TENM3: variants seen among roughly 807,000 people sequenced by gnomAD.
TENM3 encodes teneurin-3.
TENM3 carries 63 observed loss-of-function variants against 255.1 expected under a neutral mutation model. That is an observed-to-expected ratio of 0.25 (90% confidence interval 0.20 to 0.30). The LOEUF is 0.30. Among genes scored for constraint, TENM3 ranks in the 10% least tolerant of loss-of-function variants. The probability of loss-of-function intolerance (pLI) is 1.00; values close to 1 mark genes in which losing one functional copy is unlikely to be tolerated. For synonymous variants in TENM3, 1,306 were observed against 1,322.3 expected (o/e 0.99, Z 0.27); for missense variants, 2,929 against 3,461.1 (o/e 0.85, Z 3.86).
chr4:181,741,853 A>G, the TENM3 span, among the ~76,000 whole-genome samples: 7 of 152,296 alleles, frequency 4.6e-5, no homozygotes, highest in Non-Finnish European at 8.8e-5. Flanking sequence ...GCTACATTAC[A>G]TCACAACCGT....
At chr4:181,616,314 TACACACAC>T in the TENM3 span, among the ~76,000 whole-genome samples, 9,658 of 103,604 alleles carry the variant, frequency 0.093, 453 homozygotes, top group East Asian at 0.19. Flanking sequence ...ACCCATAGAA[TACACACAC>T]ACACACACAC....
intron 1 of TENM3, chr4:182,144,838 C>G (rs1397831456): frequency 6.6e-6 from 1 of 151,328 alleles, no homozygotes; most frequent in Non-Finnish European, 1.5e-5. Flanking sequence ...CTGGCGGGCG[C>G]GAGCTGGGAC....
intron 1 of TENM3, among the ~76,000 whole-genome samples, chr4:182,294,134 T>TA (rs554343604): frequency 1.2e-3 from 184 of 148,106 alleles, no homozygotes; most frequent in African/African-American, 3.3e-3. Context: ...TTGGCTGAGT[T>TA]AAAAAAAAAA....
At chr4:181,810,178 C>A in the TENM3 span, among the ~76,000 whole-genome samples, 1 of 152,148 alleles carries the variant, frequency 6.6e-6, no homozygotes, top group African/African-American at 2.4e-5. Context: ...AAAAGCAGCA[C>A]TCTCTAAAGC....
chr4:182,516,667 G>A (rs192771019), intron 3 of TENM3, among the ~76,000 whole-genome samples: 169 of 152,262 alleles, frequency 1.1e-3, no homozygotes, highest in Admixed American at 1.8e-3. Context: ...GAGGCGAGTG[G>A]ATCACTTTAG....
intron 1 of TENM3, among the ~76,000 whole-genome samples, chr4:182,191,000 G>A (rs1753483691): frequency 6.6e-6 from 1 of 152,052 alleles, no homozygotes; most frequent in African/African-American, 2.4e-5. Flanking sequence ...AGATATCCTG[G>A]TTAACCATTT....
At position 182,753,574 on chromosome 4, in the gene TENM3, A is replaced by G; in HGVS notation, c.3987A>G (p.Leu1329=). ...GSNDLTSARP[L]TCDTSMHISQ... ...ACGATTTGACTTCAGCCAGACCTTT[A>G]ACTTGTGACACCAGCATGCACATCA... The change falls in exon 21 of 28, where the codon TTA becomes TTG. Residue 1329 remains leucine, a synonymous_variant. Transcript: ENST00000511685. The G allele has an allele frequency of 6.2e-7, 1 of 1,613,950 alleles. No homozygotes were observed. Among genetic ancestry groups the G allele is most frequent in the Non-Finnish European group, 8.5e-7 (1 of 1,179,876 alleles).
intron 1 of TENM3, among the ~76,000 whole-genome samples, chr4:182,163,254 A>G (rs1751477794): frequency 6.6e-6 from 1 of 151,990 alleles, no homozygotes; most frequent in East Asian, 1.9e-4. Flanking sequence ...CGTCTCTCCA[A>G]TCCATTTTTC....
chr4:182,442,444 A>G (rs1772559043), intron 3 of TENM3, among the ~76,000 whole-genome samples: 1 of 152,214 alleles, frequency 6.6e-6, no homozygotes, highest in Admixed American at 6.5e-5. Flanking sequence ...TATTGCCACT[A>G]TAGACAACTA....
At chr4:182,029,900 A>G in the TENM3 span, among the ~76,000 whole-genome samples, 2 of 143,762 alleles carry the variant, frequency 1.4e-5, no homozygotes, top group Admixed American at 6.7e-5. Context: ...AACATTCTTT[A>G]TATTGAATAA....
chr4:181,697,376 T>G, the TENM3 span, among the ~76,000 whole-genome samples: 4 of 142,786 alleles, frequency 2.8e-5, no homozygotes, highest in African/African-American at 4.9e-5. Context: ...TCCTGGTGGG[T>G]TTTTTTGTGT....
chr4:181,826,585 C>T, the TENM3 span, among the ~76,000 whole-genome samples: 364 of 152,274 alleles, frequency 2.4e-3, no homozygotes, highest in African/African-American at 8.3e-3. Flanking sequence ...AGCAAAGTGG[C>T]TATTAGGATT....
intron 3 of TENM3, among the ~76,000 whole-genome samples, chr4:182,553,905 T>C (rs1742327339): frequency 6.6e-6 from 1 of 152,186 alleles, no homozygotes; most frequent in African/African-American, 2.4e-5. Context: ...CAATCTTTTC[T>C]CTCTGCCAAA....
chr4:182,535,302 T>C (rs1476555242), intron 3 of TENM3, among the ~76,000 whole-genome samples: 1 of 152,224 alleles, frequency 6.6e-6, no homozygotes, highest in Non-Finnish European at 1.5e-5. Context: ...TTTTGATACT[T>C]GTTCTGAAAT....
intron 1 of TENM3, among the ~76,000 whole-genome samples, chr4:182,320,002 A>G (rs1159724946): frequency 2.0e-5 from 3 of 151,988 alleles, no homozygotes; most frequent in Non-Finnish European, 4.4e-5. Context: ...AATCCCAGCT[A>G]TTTGGGAGGC....
At chr4:181,532,967 T>C in the TENM3 span, among the ~76,000 whole-genome samples, 1 of 152,234 alleles carries the variant, frequency 6.6e-6, no homozygotes, top group Non-Finnish European at 1.5e-5. Context: ...TGAAATGTTT[T>C]CAAAATTCTC....
At chr4:182,669,969 T>C (rs145730554) in intron 6 of TENM3, among the ~76,000 whole-genome samples, 29 of 152,284 alleles carry the variant, frequency 1.9e-4, no homozygotes, top group African/African-American at 6.3e-4. Flanking sequence ...CCCTGAATCT[T>C]CTCAGTAAAA....
chr4:182,722,628 G>C (rs1396797430), intron 13 of TENM3, among the ~76,000 whole-genome samples: 1 of 152,178 alleles, frequency 6.6e-6, no homozygotes, highest in South Asian at 2.1e-4. Flanking sequence ...TTAAGGAGTT[G>C]TGACTTTACT....
At chr4:181,900,345 T>C in the TENM3 span, among the ~76,000 whole-genome samples, 1 of 152,188 alleles carries the variant, frequency 6.6e-6, no homozygotes, top group Admixed American at 6.6e-5. Flanking sequence ...ATTCAAAAGT[T>C]CACAAAAACT....
Sources: allele counts gnomAD v4.1 joint callset (sites outside exome capture counted in the v4.1 genomes callset), GRCh38; gene constraint gnomAD v4.1.1; transcripts MANE v1.5; gene names NCBI Gene and HGNC (gene_info 2026-07-23, HGNC 2026-07-21).